Variants in FAM227B observed in about 807,000 individuals in gnomAD.
FAM227B encodes protein FAM227B.
In FAM227B, 88 loss-of-function variants were observed where a neutral mutation model predicts 73.8. The observed-to-expected ratio is 1.19, with a 90% CI of 1.00 to 1.42. The LOEUF (loss-of-function observed/expected upper bound fraction) is 1.42, where lower values mean the gene tolerates loss of function less well. Among genes scored for constraint, FAM227B ranks in the 40% most tolerant of loss-of-function variants. FAM227B has a pLI of 0.00. For missense variants in FAM227B, 632 were observed against 590.9 expected (o/e 1.07, Z -0.72); for synonymous variants, 210 against 190.5 (o/e 1.10, Z -0.84).
intron 8 of FAM227B, among the ~76,000 whole-genome samples, chr15:49,571,245 G>T (rs2075077883): frequency 6.6e-6 from 1 of 151,516 alleles, no homozygotes; most frequent in African/African-American, 2.4e-5. Flanking sequence ...TATATATTTT[G>T]GACATTAACC....
At position 49,376,714 on chromosome 15, in the gene FAM227B, A is replaced by G. The variant is rs921615144; in HGVS notation, c.1013-5315T>C. On this transcript the variant is annotated intron_variant, in intron 11 of 15. Transcript: ENST00000299338. Reference sequence around the variant, plus strand: ...CATTTTGGGGAGTATTGTATTAACAATATTAAATATTCCAATACATTAGCA... The same window carrying G: ...CATTTTGGGGAGTATTGTATTAACAGTATTAAATATTCCAATACATTAGCA... Among the ~76,000 whole-genome samples the G allele has an allele frequency of 1.4e-4, 21 of 152,182 alleles. No homozygotes were observed. In the South Asian group the frequency reaches 2.5e-3, roughly 18 times the overall value.
At chr15:49,412,274 C>A (rs1362266803) in intron 11 of FAM227B, among the ~76,000 whole-genome samples, 3 of 151,914 alleles carry the variant, frequency 2.0e-5, no homozygotes, top group Non-Finnish European at 4.4e-5. Context: ...GCCATTTTTT[C>A]TTGGCATTAG....
intron 11 of FAM227B, among the ~76,000 whole-genome samples, chr15:49,428,435 C>T (rs1024973544): frequency 4.6e-5 from 7 of 151,946 alleles, no homozygotes; most frequent in East Asian, 1.9e-4. Flanking sequence ...AATGAATGGT[C>T]GATACTTCCA....
At chr15:49,472,295 C>G (rs976534137) in intron 11 of FAM227B, among the ~76,000 whole-genome samples, 2 of 152,190 alleles carry the variant, frequency 1.3e-5, no homozygotes, top group African/African-American at 2.4e-5. Flanking sequence ...GTTTCCAAGT[C>G]CATTTAGCTC....
At chr15:49,419,528 T>C (rs529008570) in intron 11 of FAM227B, among the ~76,000 whole-genome samples, 2 of 152,374 alleles carry the variant, frequency 1.3e-5, no homozygotes, top group Admixed American at 1.3e-4. Context: ...AAGCCCATTC[T>C]GCCAATAGGA....
At chr15:49,554,221 G>A (rs1203964984) in intron 9 of FAM227B, among the ~76,000 whole-genome samples, 1 of 152,114 alleles carries the variant, frequency 6.6e-6, no homozygotes, top group East Asian at 1.9e-4. Flanking sequence ...CTAGCAGAAG[G>A]AAGGGGTCTC....
At chr15:49,467,973 C>A (rs911066271) in intron 11 of FAM227B, among the ~76,000 whole-genome samples, 26 of 152,158 alleles carry the variant, frequency 1.7e-4, no homozygotes, top group Non-Finnish European at 3.1e-4. Context: ...GTATATTGCA[C>A]AACCGAATAG....
At chr15:49,619,296 C>T (rs540618182) in intron 1 of FAM227B, among the ~76,000 whole-genome samples, 8 of 152,182 alleles carry the variant, frequency 5.3e-5, no homozygotes, top group Non-Finnish European at 1.2e-4. Context: ...TCTATGTCTC[C>T]TTTCCTAAAA....
At chr15:49,484,222 T>C (rs2056204889) in intron 11 of FAM227B, 15 of 910,954 alleles carry the variant, frequency 1.6e-5, no homozygotes, top group Admixed American at 7.3e-5. Flanking sequence ...GTTTCAATTC[T>C]ACCAAATATT....
intron 13 of FAM227B, among the ~76,000 whole-genome samples, chr15:49,340,386 G>A (rs1351501500): frequency 6.7e-6 from 1 of 149,956 alleles, no homozygotes; most frequent in African/African-American, 2.5e-5. Context: ...TGTGCTTCCT[G>A]GGTGAGGCAG....
At chr15:49,402,707 T>A (rs2048252116) in intron 11 of FAM227B, among the ~76,000 whole-genome samples, 1 of 152,204 alleles carries the variant, frequency 6.6e-6, no homozygotes, top group Admixed American at 6.5e-5. Context: ...GTTTTCTAGA[T>A]ATAGGATCAT....
At chr15:49,336,668 T>C (rs2039767321) in intron 13 of FAM227B, among the ~76,000 whole-genome samples, 1 of 150,530 alleles carries the variant, frequency 6.6e-6, no homozygotes, top group Admixed American at 6.6e-5. Flanking sequence ...TTTAAATAAT[T>C]TATTTATTTT....
chr15:49,608,493 C>T (rs913691046), intron 3 of FAM227B, among the ~76,000 whole-genome samples: 4 of 151,850 alleles, frequency 2.6e-5, no homozygotes, highest in Admixed American at 6.6e-5. Context: ...AAGTATCAAA[C>T]AGAAGGTAAG....
At chr15:49,341,235 T>C (rs1320621611) in intron 13 of FAM227B, among the ~76,000 whole-genome samples, 1 of 152,216 alleles carries the variant, frequency 6.6e-6, no homozygotes. Context: ...TAGGATTTTT[T>C]TTGGCTATTT....
In FAM227B at chr15:49,334,295, ATAAAGT is replaced by A. The variant is rs753452739; in HGVS notation, c.1349+1118_1349+1123del. 1.0e-3 allele frequency: 1,001 copies of A among 957,214 alleles called. 1 individual carries two copies. Among genetic ancestry groups the A allele is most frequent in the South Asian group, 1.3e-3 (27 of 20,684 alleles). 59.3% of individuals were successfully genotyped at this position (957,214 alleles called of 1,614,324 possible). On this transcript the variant is annotated intron_variant, in intron 14 of 15. Transcript: ENST00000299338. The stretch of plus-strand genomic sequence containing the variant: ...CTTCATTAATTCTGAGCTTTTCCCT[ATAAAGT>A]TAAAGTTTGAAGTTAAATTTTAAAA...
At chr15:49,395,459 ACT>A (rs1244009210) in intron 11 of FAM227B, among the ~76,000 whole-genome samples, 2 of 152,124 alleles carry the variant, frequency 1.3e-5, no homozygotes, top group African/African-American at 2.4e-5. Context: ...GTGAGCTGTC[ACT>A]CTCAGTTATT....
intron 11 of FAM227B, among the ~76,000 whole-genome samples, chr15:49,382,467 TTGAAA>T (rs2046604185): frequency 6.6e-6 from 1 of 152,114 alleles, no homozygotes; most frequent in South Asian, 2.1e-4. Context: ...ACACCACATA[TTGAAA>T]TGAAATTTCT....
At chr15:49,577,729 T>C in intron 5 of FAM227B, 65 bp from the exon 6 acceptor site, 1 of 1,033,756 alleles carries the variant, frequency 9.7e-7, no homozygotes. Flanking sequence ...TTTAGTAAAT[T>C]TGTTCAGTTA....
intron 11 of FAM227B, chr15:49,485,758 A>G (rs1272659847): frequency 6.6e-6 from 1 of 152,448 alleles, no homozygotes; most frequent in Non-Finnish European, 1.5e-5. Flanking sequence ...TTACAAATAT[A>G]AGTATTTACA....
Sources: gnomAD v4.1 joint callset for allele counts (sites outside exome capture counted in the v4.1 genomes callset) on GRCh38, gnomAD v4.1.1 for gene constraint, MANE v1.5 for transcripts, NCBI Gene and HGNC (gene_info 2026-07-23, HGNC 2026-07-21) for gene names.